The following PARD3 variants were observed in gnomAD, a reference collection of about 807,000 sequenced individuals.
PARD3 encodes the protein partitioning defective 3 homolog.
Under a neutral mutation model 155.4 loss-of-function variants are expected in PARD3, and 75 were observed. That is an observed-to-expected ratio of 0.48 (90% CI 0.40 to 0.58). The LOEUF (loss-of-function observed/expected upper bound fraction) is 0.58. PARD3 is among the 20% of genes least tolerant of loss of function. The pLI, the probability that PARD3 is intolerant of heterozygous loss-of-function variation, is 0.00. For synonymous variants in PARD3, 576 were observed against 610.5 expected (o/e 0.94, Z 0.83); for missense variants, 1,642 against 1,721.7 (o/e 0.95, Z 0.82).
chr10:34,768,156 C>A (rs1838359522), intron 1 of PARD3, among the ~76,000 whole-genome samples: 2 of 152,178 alleles, frequency 1.3e-5, no homozygotes, highest in African/African-American at 2.4e-5. Context: ...CTCCAAAAAT[C>A]TGAGACAGAT....
chr10:34,610,273 C>T (rs552339476), intron 2 of PARD3, among the ~76,000 whole-genome samples: 5 of 152,184 alleles, frequency 3.3e-5, no homozygotes, highest in South Asian at 2.1e-4. Context: ...ATCCAGGGAA[C>T]GTGAAAGTTG....
chr10:34,199,282 A>G (rs1048829510), intron 22 of PARD3, among the ~76,000 whole-genome samples: 7 of 152,160 alleles, frequency 4.6e-5, no homozygotes, highest in Admixed American at 4.6e-4. Context: ...TTGTCAGTCA[A>G]TTCACAATTA....
At chr10:34,411,523 T>C (rs1409525403) in intron 5 of PARD3, among the ~76,000 whole-genome samples, 1 of 152,106 alleles carries the variant, frequency 6.6e-6, no homozygotes, top group African/African-American at 2.4e-5. Flanking sequence ...TGAGCTGAGA[T>C]ACTGGTCTTT....
At chr10:34,572,975 A>C (rs2086552798) in intron 2 of PARD3, among the ~76,000 whole-genome samples, 1 of 152,134 alleles carries the variant, frequency 6.6e-6, no homozygotes. Flanking sequence ...AACGTTGTCT[A>C]CCTTACATAT....
Position 34,723,317 on chromosome 10 carries a change from T to C in PARD3, c.121-26898A>G, listed in dbSNP as rs79672061. On this transcript the variant is annotated intron_variant, in intron 1 of 24. Transcript: ENST00000374788. ...TGGGGGACAAAAAAGAAATCATATA[T>C]TGACTTGAAAGGTTAGAGGATGCCT... is the stretch of plus-strand genomic sequence containing the variant. 9.9e-3 allele frequency among the ~76,000 whole-genome samples: 1,506 copies of C among 152,254 alleles called. 30 individuals carry two copies. The highest frequency in any genetic ancestry group is 0.034 in the African/African-American group (1,425 of 41,544).
chr10:34,610,912 GA>G (rs929061327), intron 2 of PARD3, among the ~76,000 whole-genome samples: 1 of 152,070 alleles, frequency 6.6e-6, no homozygotes, highest in Non-Finnish European at 1.5e-5. Flanking sequence ...AGGTGGGGGG[GA>G]GTTTGAAATT....
intron 22 of PARD3, among the ~76,000 whole-genome samples, chr10:34,196,116 C>T (rs1456187263): frequency 6.6e-6 from 1 of 152,200 alleles, no homozygotes; most frequent in Non-Finnish European, 1.5e-5. Context: ...CATGACTCTT[C>T]CTATCCCTTT....
intron 22 of PARD3, among the ~76,000 whole-genome samples, chr10:34,176,977 ATG>A (rs924728864): frequency 3.4e-5 from 5 of 147,898 alleles, no homozygotes; most frequent in Admixed American, 6.8e-5. Context: ...GTGTCAGGGT[ATG>A]TGTGTGTGTC....
At chr10:34,409,715 T>C (rs1844858252) in intron 5 of PARD3, among the ~76,000 whole-genome samples, 1 of 152,224 alleles carries the variant, frequency 6.6e-6, no homozygotes, top group Non-Finnish European at 1.5e-5. Context: ...CTAATCAATC[T>C]CTTTTCAGAA....
At chr10:34,684,778 TACACACAC>T (rs3087285) in intron 2 of PARD3, among the ~76,000 whole-genome samples, 23,956 of 118,458 alleles carry the variant, frequency 0.2, 1,948 homozygotes, top group Middle Eastern at 0.25. Flanking sequence ...TGATGATACA[TACACACAC>T]ACACACACAC....
intron 2 of PARD3, among the ~76,000 whole-genome samples, chr10:34,614,608 G>C (rs2496714): frequency 0.53 from 79,967 of 152,024 alleles, 24,413 homozygotes; most frequent in African/African-American, 0.86. Flanking sequence ...ATATTTAAAA[G>C]ATTTTAAAGA....
At chr10:34,475,803 C>CT (rs1275760628) in intron 3 of PARD3, among the ~76,000 whole-genome samples, 1 of 152,106 alleles carries the variant, frequency 6.6e-6, no homozygotes, top group Non-Finnish European at 1.5e-5. Context: ...TGAATTTTAT[C>CT]TTTAGCAACA....
At chr10:34,757,745 A>G (rs1164214823) in intron 1 of PARD3, among the ~76,000 whole-genome samples, 1 of 152,088 alleles carries the variant, frequency 6.6e-6, no homozygotes, top group African/African-American at 2.4e-5. Flanking sequence ...CCTGAAAACC[A>G]TTGCAAATTC....
chr10:34,777,861 C>CGG (rs1839785405), intron 1 of PARD3, among the ~76,000 whole-genome samples: 1 of 152,092 alleles, frequency 6.6e-6, no homozygotes, highest in Non-Finnish European at 1.5e-5. Flanking sequence ...AACTGATTCC[C>CGG]TGAGGAATGA....
intron 22 of PARD3, among the ~76,000 whole-genome samples, chr10:34,163,800 A>G (rs1274202660): frequency 6.6e-6 from 1 of 152,188 alleles, no homozygotes; most frequent in African/African-American, 2.4e-5. Context: ...GAAGAATGAG[A>G]ATCCAGGATG....
chr10:34,278,166 C>A (rs1284501001), intron 21 of PARD3, among the ~76,000 whole-genome samples: 1 of 151,956 alleles, frequency 6.6e-6, no homozygotes, highest in Non-Finnish European at 1.5e-5. Context: ...CCCACACCAG[C>A]CTCCTGAGTG....
At chr10:34,557,759 C>T (rs2085122869) in intron 2 of PARD3, among the ~76,000 whole-genome samples, 1 of 151,854 alleles carries the variant, frequency 6.6e-6, no homozygotes, top group Non-Finnish European at 1.5e-5. Context: ...CACCCGGCCT[C>T]CCATCTCTAG....
chr10:34,629,031 G>T (rs1405696379), intron 2 of PARD3, among the ~76,000 whole-genome samples: 1 of 152,106 alleles, frequency 6.6e-6, no homozygotes, highest in African/African-American at 2.4e-5. Flanking sequence ...GGAAAGAGGG[G>T]TGTTAAATTC....
chr10:34,171,289 C>T (rs1249118546), intron 22 of PARD3, among the ~76,000 whole-genome samples: 2 of 152,112 alleles, frequency 1.3e-5, no homozygotes, highest in Non-Finnish European at 2.9e-5. Context: ...AAAAGATAAT[C>T]GAGGTTGCCT....
Sources: gnomAD v4.1 joint callset for allele counts (sites outside exome capture counted in the v4.1 genomes callset) on GRCh38, gnomAD v4.1.1 for gene constraint, MANE v1.5 for transcripts, NCBI Gene and HGNC (gene_info 2026-07-23, HGNC 2026-07-21) for gene names.